UBAC1: variants seen among roughly 807,000 people sequenced by gnomAD.
The protein encoded by UBAC1 is ubiquitin-associated domain-containing protein 1.
UBAC1 carries 27 observed loss-of-function variants against 45.9 expected under a neutral mutation model. The ratio of observed to expected loss-of-function variants is 0.59; its 90% CI spans 0.43 to 0.81. The LOEUF is 0.81. Among genes scored for constraint, UBAC1 ranks in the 30% least tolerant of loss-of-function variants. The probability of loss-of-function intolerance (pLI) is 0.00; values close to 1 mark genes in which losing one functional copy is unlikely to be tolerated. For synonymous variants in UBAC1, 227 were observed against 215.5 expected, an observed-to-expected ratio of 1.05 and a Z score of -0.47; for missense variants, 529 against 539.2, an observed-to-expected ratio of 0.98 and a Z score of 0.19.
chr9:135,939,882 C>T (rs563634311), intron 7 of UBAC1, 123 bp from the exon 8 acceptor site: 165 of 736,272 alleles, frequency 2.2e-4, no homozygotes, highest in African/African-American at 2.2e-3. Flanking sequence ...GCACTGAGGA[C>T]GCTGTCCGTC....
Position 135,935,421 on chromosome 9 carries a change from G to T in UBAC1, c.1103-1906C>A, listed in dbSNP as rs561030165. Among the ~76,000 whole-genome samples, 578 of 152,270 alleles carry T rather than the reference G, an allele frequency of 3.8e-3. 4 individuals carry two copies. Among genetic ancestry groups the T allele is most frequent in the African/African-American group, 0.013 (551 of 41,558 alleles). ...AGCACTCTAGAAGGCAGAGGTGGGGGGAGCGCTTGAAGCCAGGAGTTCAAG... is the reference window on the plus strand; with the variant it reads ...AGCACTCTAGAAGGCAGAGGTGGGGTGAGCGCTTGAAGCCAGGAGTTCAAG... On this transcript the variant is annotated intron_variant, in intron 9 of 9. Transcript: ENST00000371756.
At position 135,933,431 on chromosome 9, in the gene UBAC1, G is replaced by A; in HGVS notation, c.1187C>T (p.Ser396Phe). The A allele has an allele frequency of 1.9e-6, 3 of 1,614,148 alleles. No individual in the cohort carries two copies. Among genetic ancestry groups the A allele is most frequent in the African/African-American group, 1.3e-5 (1 of 75,040 alleles). The change falls in exon 10 of 10, where the codon TCT becomes TTT. Residue 396 changes from serine to phenylalanine, a missense_variant. Ser to Phe is a radical substitution (Grantham distance 155). Transcript: ENST00000371756. ...PETGPVMLQI[S>F]RIFQTLNRT ...GCGATTTAGTGTCTGGAAGATTCTAGAGATCTGCAGCATGACAGGCCCCGT... is the reference window on the plus strand; with the variant it reads ...GCGATTTAGTGTCTGGAAGATTCTAAAGATCTGCAGCATGACAGGCCCCGT...
chr9:135,939,515 C>T (rs35925532), intron 8 of UBAC1, among the ~76,000 whole-genome samples, 158 bp downstream of exon 8: 101,799 of 147,242 alleles, frequency 0.69, 35,294 homozygotes, highest in East Asian at 0.77. Flanking sequence ...TCAGCCCACA[C>T]TCACTCATCA....
chr9:135,957,900 G>C (rs984481465), intron 1 of UBAC1, among the ~76,000 whole-genome samples: 7 of 150,990 alleles, frequency 4.6e-5, no homozygotes, highest in Admixed American at 1.3e-4. Context: ...TCAGCCTCCT[G>C]AGTAGGTGGG....
chr9:135,939,029 G>A (rs1339716722), intron 8 of UBAC1, among the ~76,000 whole-genome samples: 1 of 152,106 alleles, frequency 6.6e-6, no homozygotes, highest in African/African-American at 2.4e-5. Context: ...GCAACAAAGG[G>A]AGATCTTGTC....
chr9:135,959,122 T>C (rs553781285), intron 1 of UBAC1, among the ~76,000 whole-genome samples: 2 of 152,340 alleles, frequency 1.3e-5, no homozygotes, highest in East Asian at 1.9e-4. Flanking sequence ...AAGAGTATCA[T>C]GATGGCCATG....
chr9:135,952,153 T>A (rs1839413251), intron 3 of UBAC1, among the ~76,000 whole-genome samples: 2 of 152,236 alleles, frequency 1.3e-5, no homozygotes, highest in African/African-American at 4.8e-5. Flanking sequence ...AGCCTGTGTG[T>A]CACTCATGCG....
Position 135,945,187 on chromosome 9 carries a change from CGT to C in UBAC1, c.715_716del (p.Thr239AlafsTer29). Reference protein sequence around the residue: ...IEHAEDPTIDTPLPGQAPPEA... With the variant: ...IEHAEDPTIDXPLPGQAPPEA... ...CTGGGGGAGCTTGGCCAGGAAGAGG[CGT>C]GTCTATGGTCGGGTCTTCTGCGTGT... is the stretch of plus-strand genomic sequence containing the variant. On this transcript the variant is annotated frameshift_variant, in exon 7 of 10. Transcript: ENST00000371756. LOFTEE classifies it high-confidence loss of function. The C allele has an allele frequency of 6.2e-7, 1 of 1,612,776 alleles. No individual in the cohort carries two copies. The highest frequency in any genetic ancestry group is 1.3e-5 in the African/African-American group (1 of 75,018).
Position 135,933,263 on chromosome 9 carries a change from G to A in UBAC1, c.*137C>T, listed in dbSNP as rs1285834243. ...AGTTTATAAGCAATAAGATCAGAGA[G>A]CAGGAGCAGCTGCAGCACCTCTAAC... On this transcript the variant is annotated 3_prime_UTR_variant, in exon 10 of 10. Coordinates refer to ENST00000371756, the MANE Select transcript of UBAC1 (RefSeq NM_016172.3). 3.6e-5 allele frequency: 24 copies of A among 663,330 alleles called. No homozygotes were observed. The highest frequency in any genetic ancestry group is 6.2e-5 in the Non-Finnish European group (23 of 371,800). 41.1% of individuals were successfully genotyped at this position (663,330 alleles called of 1,614,324 possible).
Position 135,938,352 on chromosome 9 carries a change from C to T in UBAC1, c.972G>A (p.Trp324Ter). The change falls in exon 9 of 10, where the codon TGG becomes TGA. Residue 324 changes from tryptophan to a stop codon, truncating the protein, a stop_gained. Coordinates refer to ENST00000371756, the MANE Select transcript of UBAC1 (RefSeq NM_016172.3). LOFTEE classifies it high-confidence loss of function. ...GAGAGGGCTTCCGGTCCCCCAGCAG[C>T]CACTCGCACTGCAAAGCCAAGAGCA... ...NNNQQNAACE[W>*]LLGDRKPSPE... The T allele has an allele frequency of 6.2e-7, 1 of 1,613,332 alleles. No homozygotes were observed.
chr9:135,944,898 CT>C, intron 7 of UBAC1, 129 bp downstream of exon 7: 1 of 936,402 alleles, frequency 1.1e-6, no homozygotes, highest in Non-Finnish European at 1.5e-6. Flanking sequence ...CCTTCCCCAG[CT>C]TCTCTCTCTC....
At chr9:135,947,310 G>C (rs533822156) in intron 4 of UBAC1, among the ~76,000 whole-genome samples, 2 of 152,020 alleles carry the variant, frequency 1.3e-5, no homozygotes, top group African/African-American at 4.8e-5. Context: ...GGAGTACGAT[G>C]ATGCAATCTC....
chr9:135,954,360 G>A (rs894774825), intron 2 of UBAC1, among the ~76,000 whole-genome samples: 3 of 152,018 alleles, frequency 2.0e-5, no homozygotes. Context: ...TGGGAGGACT[G>A]CTTGAGCCCA....
At chr9:135,942,556 G>C (rs1056659446) in intron 7 of UBAC1, among the ~76,000 whole-genome samples, 4 of 150,942 alleles carry the variant, frequency 2.7e-5, no homozygotes, top group Non-Finnish European at 4.4e-5. Flanking sequence ...TCAGGAGGCT[G>C]AAGTAGCATC....
intron 3 of UBAC1, among the ~76,000 whole-genome samples, chr9:135,950,995 G>T (rs974550250): frequency 4.0e-5 from 6 of 151,870 alleles, no homozygotes; most frequent in African/African-American, 1.5e-4. Flanking sequence ...TTACTCCTGG[G>T]GCTAAGGGAG....
chr9:135,946,470 T>A, intron 4 of UBAC1, 99 bp from the exon 5 acceptor site: 1 of 789,798 alleles, frequency 1.3e-6, no homozygotes, highest in African/African-American at 1.7e-5. Context: ...ATTCTGAGAG[T>A]TGAGATGACA....
Position 135,945,131 on chromosome 9 carries a change from T to G in UBAC1, c.773A>C (p.Glu258Ala), listed in dbSNP as rs773526936. The change falls in exon 7 of 10, where the codon GAG (glutamate) becomes GCG (alanine). Residue 258 changes from glutamate to alanine, a missense_variant. Coordinates refer to ENST00000371756, the MANE Select transcript of UBAC1 (RefSeq NM_016172.3). ...EAEGATAAAS[E>A]AAAGASATDE... ...GGTGGCGCTGGCTCCCGCGGCAGCC[T>G]CGGAGGCAGCTGCTGTGGCCCCCTC... is the stretch of plus-strand genomic sequence containing the variant. 1 of 1,613,872 alleles carries G rather than the reference T, an allele frequency of 6.2e-7. No homozygotes were observed. Among genetic ancestry groups the G allele is most frequent in the Non-Finnish European group, 8.5e-7 (1 of 1,179,986 alleles).
intron 7 of UBAC1, among the ~76,000 whole-genome samples, chr9:135,943,606 G>A (rs1247752653): frequency 6.6e-6 from 1 of 152,072 alleles, no homozygotes; most frequent in African/African-American, 2.4e-5. Flanking sequence ...CCATTACTGG[G>A]TATATACCCA....
intron 3 of UBAC1, among the ~76,000 whole-genome samples, chr9:135,951,574 C>T (rs997036710): frequency 2.0e-5 from 3 of 151,986 alleles, no homozygotes; most frequent in African/African-American, 4.8e-5. Context: ...TTTGGGAGGC[C>T]GAGGCAGGTG....
Sources: allele counts gnomAD v4.1 joint callset (sites outside exome capture counted in the v4.1 genomes callset), GRCh38; gene constraint gnomAD v4.1.1; transcripts MANE v1.5; gene names NCBI Gene and HGNC (gene_info 2026-07-23, HGNC 2026-07-21).